Variants in KIAA1328 observed in about 807,000 individuals in gnomAD.
The protein encoded by KIAA1328 is KIAA1328, also known as protein hinderin.
KIAA1328 carries 52 observed loss-of-function variants against 68.1 expected under a neutral mutation model. The ratio of observed to expected loss-of-function variants is 0.76; its 90% CI spans 0.61 to 0.96. The LOEUF (loss-of-function observed/expected upper bound fraction) is 0.96, where lower values mean the gene tolerates loss of function less well. Among genes scored for constraint, KIAA1328 ranks in the 40% least tolerant of loss-of-function variants. The probability of loss-of-function intolerance (pLI) is 0.00; values close to 1 mark genes in which losing one functional copy is unlikely to be tolerated. For synonymous variants in KIAA1328, 232 were observed against 239.4 expected, an observed-to-expected ratio of 0.97 and a Z score of 0.28; for missense variants, 641 against 677.6, an observed-to-expected ratio of 0.95 and a Z score of 0.60.
At chr18:36,958,638 T>C (rs1170498143) in intron 5 of KIAA1328, among the ~76,000 whole-genome samples, 1 of 152,226 alleles carries the variant, frequency 6.6e-6, no homozygotes, top group Admixed American at 6.5e-5. Context: ...CATATTTTGT[T>C]TTGGGAAATG....
At chr18:37,151,891 T>C (rs551559989) in intron 7 of KIAA1328, among the ~76,000 whole-genome samples, 101 of 152,024 alleles carry the variant, frequency 6.6e-4, no homozygotes, top group Non-Finnish European at 1.1e-3. Context: ...ATATGGGAAC[T>C]GCACTGGTGT....
chr18:37,135,111 C>T (rs2058614170), intron 7 of KIAA1328, among the ~76,000 whole-genome samples: 1 of 152,080 alleles, frequency 6.6e-6, no homozygotes, highest in Non-Finnish European at 1.5e-5. Context: ...CTGATGGGCA[C>T]CTAGGTCGAT....
intron 5 of KIAA1328, among the ~76,000 whole-genome samples, chr18:36,894,025 G>A (rs1358761029): frequency 2.0e-5 from 3 of 151,972 alleles, no homozygotes; most frequent in African/African-American, 7.2e-5. Context: ...CTTCATAATA[G>A]CCTGGTTAAC....
At chr18:36,975,345 G>A (rs1332505005) in intron 6 of KIAA1328, among the ~76,000 whole-genome samples, 1 of 151,896 alleles carries the variant, frequency 6.6e-6, no homozygotes, top group Non-Finnish European at 1.5e-5. Context: ...ACTACGCCTG[G>A]CTAATTTTTT....
At chr18:36,903,064 T>A (rs796837212) in intron 5 of KIAA1328, among the ~76,000 whole-genome samples, 91 of 152,136 alleles carry the variant, frequency 6.0e-4, no homozygotes, top group African/African-American at 2.1e-3. Flanking sequence ...AATTAAAAAA[T>A]TTTAACCTGT....
At chr18:37,038,124 G>A (rs1297119132) in intron 6 of KIAA1328, among the ~76,000 whole-genome samples, 1 of 151,702 alleles carries the variant, frequency 6.6e-6, no homozygotes, top group Non-Finnish European at 1.5e-5. Flanking sequence ...AAAAAGAAAA[G>A]GGAAGATGGC....
rs563822792 is a variant in KIAA1328 at position 37,041,299 on chromosome 18, G to C, written c.577-25591G>C. Among the ~76,000 whole-genome samples the C allele has an allele frequency of 3.1e-3, 464 of 151,972 alleles. 3 individuals carry two copies. The highest frequency in any genetic ancestry group is 0.021 in the Middle Eastern group (6 of 292). Reference sequence around the variant, plus strand: ...ATTTACCATTTTATCAGTATGAAATGACCTTCTTCATATATAGTAATGTTT... The same window carrying C: ...ATTTACCATTTTATCAGTATGAAATCACCTTCTTCATATATAGTAATGTTT... On this transcript the variant is annotated intron_variant, in intron 6 of 9. Transcript: ENST00000280020.
At chr18:37,214,189 A>G (rs2060377716) in intron 9 of KIAA1328, among the ~76,000 whole-genome samples, 1 of 152,156 alleles carries the variant, frequency 6.6e-6, no homozygotes, top group Non-Finnish European at 1.5e-5. Context: ...TTTTGTTGCC[A>G]TTGCTTTTGG....
chr18:36,945,116 G>T (rs533557635), intron 5 of KIAA1328, among the ~76,000 whole-genome samples: 5 of 152,266 alleles, frequency 3.3e-5, no homozygotes, highest in African/African-American at 9.6e-5. Flanking sequence ...AACTTATGTA[G>T]TATTCATAGT....
intron 4 of KIAA1328, among the ~76,000 whole-genome samples, chr18:36,859,603 C>T (rs1387829994): frequency 1.4e-5 from 2 of 144,694 alleles, no homozygotes; most frequent in Non-Finnish European, 3.0e-5. Context: ...CTCACTCTCT[C>T]TTTCTCTGTT....
chr18:36,985,789 G>A (rs528583151), intron 6 of KIAA1328, among the ~76,000 whole-genome samples: 32 of 152,216 alleles, frequency 2.1e-4, no homozygotes, highest in African/African-American at 5.1e-4. Context: ...CTTTGCAGCC[G>A]TGGATTAGTC....
intron 6 of KIAA1328, among the ~76,000 whole-genome samples, chr18:36,961,990 A>G (rs2051697113): frequency 1.3e-5 from 2 of 152,232 alleles, no homozygotes; most frequent in Admixed American, 6.5e-5. Context: ...TAAATGGGCT[A>G]AATGCCCCAG....
At chr18:37,069,550 G>C (rs999847451) in intron 7 of KIAA1328, among the ~76,000 whole-genome samples, 1 of 152,044 alleles carries the variant, frequency 6.6e-6, no homozygotes, top group Non-Finnish European at 1.5e-5. Flanking sequence ...GGAGATGTTC[G>C]CTCTGCTTCT....
At chr18:36,892,378 A>G (rs527628257) in intron 5 of KIAA1328, among the ~76,000 whole-genome samples, 1 of 152,338 alleles carries the variant, frequency 6.6e-6, no homozygotes, top group South Asian at 2.1e-4. Flanking sequence ...TGTAAATAGA[A>G]GAGAAGGGAT....
chr18:36,883,208 G>A (rs764655894), intron 4 of KIAA1328, among the ~76,000 whole-genome samples: 2 of 151,986 alleles, frequency 1.3e-5, no homozygotes, highest in Admixed American at 6.6e-5. Context: ...ATATGGACTG[G>A]GTATCCCTAA....
rs987728190 is a variant in KIAA1328, at chr18:37,224,771, C to A, written c.*2544C>A. 4 of 985,272 alleles carry A rather than the reference C, an allele frequency of 4.1e-6. No individual in the cohort carries two copies. Among genetic ancestry groups the A allele is most frequent in the Admixed American group, 6.1e-5 (1 of 16,262 alleles). 61.0% of individuals were successfully genotyped at this position (985,272 alleles called of 1,614,324 possible). ...TCCAGCCTCTAGACACTTCCCAAAG[C>A]AAGACTGGACACATGCCGAGGGCGT... is the stretch of plus-strand genomic sequence containing the variant. On this transcript the variant is annotated 3_prime_UTR_variant, in exon 10 of 10. Transcript: ENST00000280020.
Position 37,223,461 on chromosome 18 carries a change from G to A in KIAA1328, c.*1234G>A. On this transcript the variant is annotated 3_prime_UTR_variant, in exon 10 of 10. Transcript: ENST00000280020. ...TCAAGCTAATGGGGATGATGATCCT[G>A]GTTTAGCCAGAGTTCAAAACTCTCC... The A allele has an allele frequency of 1.0e-6, 1 of 985,370 alleles. No individual in the cohort carries two copies. Among genetic ancestry groups the A allele is most frequent in the Non-Finnish European group, 1.2e-6 (1 of 829,938 alleles). The allele number at this position is 985,370 out of a possible 1,614,324, so 61.0% of individuals were successfully genotyped here.
intron 8 of KIAA1328, among the ~76,000 whole-genome samples, chr18:37,168,753 G>A (rs2059438410): frequency 6.6e-6 from 1 of 152,204 alleles, no homozygotes; most frequent in Admixed American, 6.5e-5. Flanking sequence ...AATTGTGACT[G>A]GGGATGGATA....
In KIAA1328 at chr18:37,031,528, CCTT is replaced by C. The variant is rs796199637; in HGVS notation, c.577-35359_577-35357del. On this transcript the variant is annotated intron_variant, in intron 6 of 9. Coordinates refer to ENST00000280020, the MANE Select transcript of KIAA1328 (RefSeq NM_020776.3). ...ATTTGTGGAATATGTCCTTTTCAGT[CCTT>C]CTACTTTTACTCCACCTTTGTCTTT... 1.0e-3 allele frequency among the ~76,000 whole-genome samples: 156 copies of C among 152,162 alleles called. 2 individuals carry two copies. The highest frequency in any genetic ancestry group is 3.7e-3 in the African/African-American group (154 of 41,526).
Sources: gnomAD v4.1 joint callset for allele counts (sites outside exome capture counted in the v4.1 genomes callset) on GRCh38, gnomAD v4.1.1 for gene constraint, MANE v1.5 for transcripts, NCBI Gene and HGNC (gene_info 2026-07-23, HGNC 2026-07-21) for gene names.